The following ARHGAP6 variants were observed in gnomAD, a reference collection of about 807,000 sequenced individuals.
ARHGAP6 encodes the protein rho GTPase-activating protein 6.
A neutral mutation model predicts 55.7 loss-of-function variants in ARHGAP6; 16 were observed. The observed-to-expected ratio is 0.29, with a 90% CI of 0.19 to 0.44. The LOEUF (loss-of-function observed/expected upper bound fraction) is 0.44. ARHGAP6 is among the 20% of genes least tolerant of loss of function. ARHGAP6 has a pLI of 1.00. For missense variants in ARHGAP6, 698 were observed against 808.9 expected (o/e 0.86, Z 1.66); for synonymous variants, 382 against 360.9 (o/e 1.06, Z -0.66).
intron 1 of ARHGAP6, chrX:11,351,556 A>G (rs941813847): frequency 1.7e-5 from 13 of 751,850 alleles, no homozygotes; most frequent in Middle Eastern, 7.6e-4. Context: ...GTGAGAAGCC[A>G]TGGGCCTTGT....
At chrX:11,207,008 G>T (rs1193705260) in intron 2 of ARHGAP6, among the ~76,000 whole-genome samples, 2 of 111,088 alleles carry the variant, frequency 1.8e-5, no homozygotes, top group Non-Finnish European at 3.8e-5. Flanking sequence ...ATACTCAGGA[G>T]AGTTAATAAA....
intron 1 of ARHGAP6, among the ~76,000 whole-genome samples, chrX:11,528,248 C>T (rs1456529513): frequency 8.9e-6 from 1 of 112,226 alleles, no homozygotes; most frequent in Non-Finnish European, 1.9e-5. Context: ...ACTTAAACTA[C>T]ACTGAGCTAT....
At chrX:11,143,866 A>C (rs1569228568) in intron 11 of ARHGAP6, 114 bp downstream of exon 11, 2 of 1,195,086 alleles carry the variant, frequency 1.7e-6, no homozygotes, top group Non-Finnish European at 2.2e-6. Context: ...AATTACAGAA[A>C]CATCAAATAA....
At chrX:11,626,370 C>T (rs5979437) in intron 1 of ARHGAP6, among the ~76,000 whole-genome samples, 13,862 of 110,973 alleles carry the variant, frequency 0.12, 792 homozygotes, top group Middle Eastern at 0.23. Context: ...GTTTTATGAT[C>T]TGTACAGACT....
chrX:11,297,811 G>GA (rs1162490371), intron 1 of ARHGAP6, among the ~76,000 whole-genome samples: 1 of 111,772 alleles, frequency 8.9e-6, no homozygotes. Context: ...TGACATCAAA[G>GA]AAAAAAATGA....
chrX:11,321,816 A>G (rs944477448), intron 1 of ARHGAP6, among the ~76,000 whole-genome samples: 4 of 112,472 alleles, frequency 3.6e-5, no homozygotes, highest in Non-Finnish European at 1.9e-5. Flanking sequence ...CATCATTAAT[A>G]TACACCTACT....
At chrX:11,521,424 C>T (rs1411706846) in intron 1 of ARHGAP6, among the ~76,000 whole-genome samples, 1 of 112,038 alleles carries the variant, frequency 8.9e-6, no homozygotes, top group Non-Finnish European at 1.9e-5. Flanking sequence ...AATCCTTTCC[C>T]CATTTCCTGT....
intron 1 of ARHGAP6, among the ~76,000 whole-genome samples, chrX:11,414,876 TAAA>T (rs1389006019): frequency 2.7e-5 from 3 of 111,698 alleles, no homozygotes; most frequent in Non-Finnish European, 5.6e-5. Flanking sequence ...AAGAAGCAGA[TAAA>T]AAATCTCCAG....
In ARHGAP6 at chrX:11,225,726, G is replaced by A; in HGVS notation, c.749-28730C>T. 6.0e-6 allele frequency: 4 copies of A among 663,855 alleles called. No homozygotes were observed. In the Admixed American group the frequency reaches 1.2e-4, roughly 19 times the overall value. 54.7% of individuals were successfully genotyped at this position (663,855 alleles called of 1,213,427 possible). On this transcript the variant is annotated intron_variant, in intron 2 of 12. Transcript: ENST00000337414. Reference sequence around the variant, plus strand: ...ACAAGATGGGAAAGGAACTGAAAGAGATTGAGCCGCCACATGAGCAATTCA... The same window carrying A: ...ACAAGATGGGAAAGGAACTGAAAGAAATTGAGCCGCCACATGAGCAATTCA...
intron 1 of ARHGAP6, among the ~76,000 whole-genome samples, chrX:11,577,666 T>C (rs769808422): frequency 8.9e-6 from 1 of 111,735 alleles, no homozygotes; most frequent in South Asian, 3.8e-4. Flanking sequence ...AATCCAATGA[T>C]ATCTTTTTTC....
At chrX:11,453,241 A>G (rs936652801) in intron 1 of ARHGAP6, among the ~76,000 whole-genome samples, 2 of 100,637 alleles carry the variant, frequency 2.0e-5, no homozygotes, top group African/African-American at 7.2e-5. Context: ...TACATAATAT[A>G]TATACATAAT....
At chrX:11,188,091 C>G (rs1346407223) in intron 4 of ARHGAP6, among the ~76,000 whole-genome samples, 1 of 111,561 alleles carries the variant, frequency 9.0e-6, no homozygotes, top group African/African-American at 3.3e-5. Context: ...AGAAGATCTT[C>G]CAGTGACCTG....
intron 10 of ARHGAP6, among the ~76,000 whole-genome samples, chrX:11,146,141 C>T (rs1438441606): frequency 1.8e-5 from 2 of 112,463 alleles, no homozygotes; most frequent in Admixed American, 1.9e-4. Context: ...CAGCCGATTC[C>T]TGGACCTCCT....
intron 1 of ARHGAP6, among the ~76,000 whole-genome samples, chrX:11,516,156 G>A (rs200134293): frequency 4.4e-5 from 5 of 112,495 alleles, no homozygotes; most frequent in East Asian, 5.5e-4. Context: ...CTTGTCAGTC[G>A]AAAAGTTAGT....
intron 1 of ARHGAP6, among the ~76,000 whole-genome samples, chrX:11,539,884 C>T (rs978375157): frequency 9.0e-6 from 1 of 111,663 alleles, no homozygotes; most frequent in African/African-American, 3.3e-5. Context: ...ATGGAGATAA[C>T]TAGCCAGAGG....
At chrX:11,385,835 A>T (rs748377839) in intron 1 of ARHGAP6, among the ~76,000 whole-genome samples, 11 of 112,316 alleles carry the variant, frequency 9.8e-5, no homozygotes, top group Admixed American at 1.9e-4. Context: ...CAAAAATGAT[A>T]AAAAAATGAG....
Position 11,138,898 on chromosome X carries a change from C to A in ARHGAP6, c.2890G>T (p.Asp964Tyr). 1 of 1,186,124 alleles carries A rather than the reference C, an allele frequency of 8.4e-7. No individual in the cohort carries two copies. Among genetic ancestry groups the A allele is most frequent in the Non-Finnish European group, 1.1e-6 (1 of 888,308 alleles). ...RWQIWELLST[D>Y]NPDALPETLV The stretch of plus-strand genomic sequence containing the variant: ...GTCTCGGGCAGGGCATCGGGGTTGT[C>A]GGTCGACAGGAGCTCCCAGATCTGC... The change falls in exon 13 of 13, where the codon GAC becomes TAC. Residue 964 changes from aspartate (D) to tyrosine (Y), a missense_variant. Physicochemically the swap from Asp to Tyr is radical, Grantham distance 160. Around this residue, in one of 3 missense-constraint regions of ARHGAP6, gnomAD observed 212 missense variants for 208.7 expected, o/e 1.02. Coordinates refer to ENST00000337414, the MANE Select transcript of ARHGAP6 (RefSeq NM_013427.3).
At chrX:11,518,112 C>G (rs1035295123) in intron 1 of ARHGAP6, among the ~76,000 whole-genome samples, 1 of 111,551 alleles carries the variant, frequency 9.0e-6, no homozygotes. Flanking sequence ...CAACCAAAAT[C>G]AGTTTGTCCT....
chrX:11,640,278 C>G (rs1390590455), intron 1 of ARHGAP6, among the ~76,000 whole-genome samples: 3 of 111,648 alleles, frequency 2.7e-5, no homozygotes, highest in African/African-American at 9.7e-5. Context: ...TTGGCATCTG[C>G]ATTATTTTCT....
Sources: gnomAD v4.1 joint callset for allele counts (sites outside exome capture counted in the v4.1 genomes callset) on GRCh38, gnomAD v4.1.1 for gene constraint, gnomAD v4.1.1 regional missense constraint, MANE v1.5 for transcripts, NCBI Gene and HGNC (gene_info 2026-07-23, HGNC 2026-07-21) for gene names.